FARP2: variants seen among roughly 807,000 people sequenced by gnomAD.
The protein encoded by FARP2 is FERM, ARHGEF and pleckstrin domain-containing protein 2.
A neutral mutation model predicts 130.5 loss-of-function variants in FARP2; 111 were observed. That is an observed-to-expected ratio of 0.85 (90% CI 0.73 to 1.00). The LOEUF (loss-of-function observed/expected upper bound fraction) is 1.00, where lower values mean the gene tolerates loss of function less well. FARP2 is among the 50% of genes least tolerant of loss of function. The probability of loss-of-function intolerance (pLI) is 0.00; values close to 1 mark genes in which losing one functional copy is unlikely to be tolerated. For missense variants in FARP2, 1,385 were observed against 1,346.3 expected (o/e 1.03, Z -0.45); for synonymous variants, 504 against 516.9 (o/e 0.98, Z 0.34).
chr2:241,393,273 G>A lies in FARP2; in HGVS notation c.184-10555G>A, dbSNP rs999646129. On this transcript the variant is annotated intron_variant, in intron 2 of 26. Transcript: ENST00000264042. ...GAGCTCAGGTGATCCACCCGCCTCG[G>A]TCTCCCAAAGTGCTGGGATGAAAGA... is the stretch of plus-strand genomic sequence containing the variant. Among the ~76,000 whole-genome samples the A allele has an allele frequency of 5.9e-5, 9 of 152,178 alleles. No individual in the cohort carries two copies. The East Asian group carries it at 1.6e-3, about 26-fold the overall frequency.
chr2:241,431,822 A>ATT, intron 9 of FARP2, 48 bp downstream of exon 9: 3 of 686,018 alleles, frequency 4.4e-6, no homozygotes, highest in Admixed American at 4.1e-5. Context: ...TTATTTATTT[A>ATT]TTTATTTATT....
chr2:241,396,725 C>A (rs2062039443), intron 2 of FARP2, among the ~76,000 whole-genome samples: 1 of 152,206 alleles, frequency 6.6e-6, no homozygotes, highest in Non-Finnish European at 1.5e-5. Context: ...AACGCTTTTA[C>A]ACTGTTGGTG....
At chr2:241,451,768 T>G (rs3771577) in intron 13 of FARP2, among the ~76,000 whole-genome samples, 32,242 of 152,106 alleles carry the variant, frequency 0.21, 3,805 homozygotes, top group Non-Finnish European at 0.26. Context: ...TTTTTTTCTT[T>G]TTTTGAGACA....
At chr2:241,379,011 T>C (rs1485337400) in intron 2 of FARP2, among the ~76,000 whole-genome samples, 1 of 152,200 alleles carries the variant, frequency 6.6e-6, no homozygotes, top group South Asian at 2.1e-4. Context: ...AAGTTGTGTG[T>C]CAGCTTGCCT....
rs772180716 is a variant in FARP2 at position 241,411,042 on chromosome 2, T to G, written c.420T>G (p.Phe140Leu). ...TTGAACTCTCTTCTAGATACTTGTT[T>G]GCCTTGCAACTTAAGAGAGACCTGC... ...QLQEEYTRYL[F>L]ALQLKRDLLE... The change falls in exon 6 of 27, where the codon TTT becomes TTG. Residue 140 changes from phenylalanine to leucine, a missense_variant. Coordinates refer to ENST00000264042, the MANE Select transcript of FARP2 (RefSeq NM_014808.4). 1 of 1,607,888 alleles carries G rather than the reference T, an allele frequency of 6.2e-7. No homozygotes were observed. Among genetic ancestry groups the G allele is most frequent in the Middle Eastern group, 1.7e-4 (1 of 6,052 alleles).
chr2:241,408,094 G>A (rs1186623380), intron 5 of FARP2, among the ~76,000 whole-genome samples: 1 of 152,214 alleles, frequency 6.6e-6, no homozygotes, highest in Non-Finnish European at 1.5e-5. Flanking sequence ...AGATGGCAGG[G>A]TGCAATGGCT....
chr2:241,436,506 G>A lies in FARP2; in HGVS notation c.1126G>A (p.Val376Ile), dbSNP rs372605073. Residue 376 changes from valine to isoleucine, a missense_variant, in exon 12 of 27, where the codon GTT becomes ATT. Transcript: ENST00000264042. ...AAGGCACAGCAAGACCCACACGTCC[G>A]TTCGAGCTCTGACTGCAGACCTACC... is the stretch of plus-strand genomic sequence containing the variant. Reference protein sequence around the residue: ...ERRHSKTHTSVRALTADLPKQ... With the variant: ...ERRHSKTHTSIRALTADLPKQ... The A allele has an allele frequency of 5.8e-5, 93 of 1,614,080 alleles. No homozygotes were observed. The Middle Eastern group carries it at 6.6e-4, about 11-fold the overall frequency.
intron 12 of FARP2, among the ~76,000 whole-genome samples, chr2:241,439,851 G>A (rs553724852): frequency 4.6e-5 from 7 of 152,148 alleles, no homozygotes; most frequent in South Asian, 2.1e-4. Context: ...CCAGCTACTC[G>A]GGAGGCTGAG....
chr2:241,461,502 C>G (rs1350667764), intron 14 of FARP2, among the ~76,000 whole-genome samples: 2 of 152,226 alleles, frequency 1.3e-5, no homozygotes, highest in African/African-American at 4.8e-5. Flanking sequence ...TCTGACCTGT[C>G]CCACAGGCTG....
Position 241,457,702 on chromosome 2 carries a change from G to A in FARP2, c.1587+780G>A, listed in dbSNP as rs555332752. 1.2e-4 allele frequency among the ~76,000 whole-genome samples: 16 copies of A among 134,746 alleles called. No homozygotes were observed. The South Asian group carries it at 3.7e-3, about 31-fold the overall frequency. The allele number at this position is 134,746 out of a possible 152,430, so 88.4% of individuals were successfully genotyped here. On this transcript the variant is annotated intron_variant, in intron 14 of 26. Coordinates refer to ENST00000264042, the MANE Select transcript of FARP2 (RefSeq NM_014808.4). ...AAAGATCTGGGTGCTAAGGGAGGGT[G>A]CACTAAGGACCGCTTTGGGTTCTGG...
intron 18 of FARP2, among the ~76,000 whole-genome samples, chr2:241,472,388 G>C (rs540376985): frequency 6.0e-5 from 9 of 150,692 alleles, no homozygotes; most frequent in Admixed American, 3.3e-4. Context: ...TTCTGAGGGG[G>C]ATCCTGTTCA....
At chr2:241,464,017 G>C (rs369420088) in intron 17 of FARP2, 37 bp downstream of exon 17, 1 of 1,547,558 alleles carries the variant, frequency 6.5e-7, no homozygotes, top group Non-Finnish European at 8.9e-7. Flanking sequence ...CATGAATGCT[G>C]TTTATGGGAG....
chr2:241,363,401 T>C (rs1224924266), intron 1 of FARP2, among the ~76,000 whole-genome samples: 2 of 152,228 alleles, frequency 1.3e-5, no homozygotes, highest in African/African-American at 4.8e-5. Context: ...GGCACAAGAA[T>C]AGCATGGCTA....
At chr2:241,466,535 A>T (rs1014624451) in intron 17 of FARP2, 3 of 985,434 alleles carry the variant, frequency 3.0e-6, no homozygotes, top group South Asian at 9.4e-5. Flanking sequence ...CATCATGGGC[A>T]TCGGCAGGGC....
At chr2:241,410,728 C>T (rs1202546136) in intron 5 of FARP2, among the ~76,000 whole-genome samples, 2 of 152,184 alleles carry the variant, frequency 1.3e-5, no homozygotes, top group Non-Finnish European at 2.9e-5. Context: ...TCGCCCCTGG[C>T]CAATTTCTTT....
At chr2:241,464,634 C>G (rs1414353806) in intron 17 of FARP2, among the ~76,000 whole-genome samples, 1 of 152,020 alleles carries the variant, frequency 6.6e-6, no homozygotes, top group Non-Finnish European at 1.5e-5. Context: ...CCCTCAGGCT[C>G]TCAGAACAGG....
intron 1 of FARP2, among the ~76,000 whole-genome samples, chr2:241,362,883 C>T (rs985613537): frequency 7.2e-5 from 11 of 152,150 alleles, no homozygotes; most frequent in African/African-American, 2.7e-4. Flanking sequence ...CCTCTTACCC[C>T]TCCCAATGAT....
intron 21 of FARP2, among the ~76,000 whole-genome samples, chr2:241,484,961 GAC>G (rs2064715341): frequency 6.6e-6 from 1 of 152,112 alleles, no homozygotes; most frequent in Non-Finnish European, 1.5e-5. Flanking sequence ...ATTCGTCCAG[GAC>G]ACCACGTCAC....
intron 14 of FARP2, among the ~76,000 whole-genome samples, chr2:241,458,597 G>T (rs1397104017): frequency 1.3e-5 from 2 of 152,110 alleles, no homozygotes; most frequent in African/African-American, 4.8e-5. Context: ...GGCCCTGGCA[G>T]CAAGACTGTT....
Sources: gnomAD v4.1 joint callset for allele counts (sites outside exome capture counted in the v4.1 genomes callset) on GRCh38, gnomAD v4.1.1 for gene constraint, MANE v1.5 for transcripts, NCBI Gene and HGNC (gene_info 2026-07-23, HGNC 2026-07-21) for gene names.